Variants in GATA5 observed in about 807,000 individuals in gnomAD.
The protein encoded by GATA5 is GATA binding protein 5, also known as transcription factor GATA-5.
In GATA5, 27 loss-of-function variants were observed where a neutral mutation model predicts 35.0. That is an observed-to-expected ratio of 0.77 (90% confidence interval 0.57 to 1.06). The LOEUF is 1.06. Among genes scored for constraint, GATA5 ranks in the 50% least tolerant of loss-of-function variants. The pLI is 0.00. For missense variants in GATA5, 612 were observed against 580.0 expected, an observed-to-expected ratio of 1.06 and a Z score of -0.57; for synonymous variants, 306 against 267.8, an observed-to-expected ratio of 1.14 and a Z score of -1.39.
intron 2 of GATA5, among the ~76,000 whole-genome samples, chr20:62,474,248 C>G (rs1033000704): frequency 3.9e-5 from 6 of 152,156 alleles, no homozygotes; most frequent in Non-Finnish European, 8.8e-5. Context: ...AGGCCCGGCC[C>G]GGCGCCGGCG....
At chr20:62,473,131 G>A (rs1430039564) in intron 3 of GATA5, among the ~76,000 whole-genome samples, 1 of 152,234 alleles carries the variant, frequency 6.6e-6, no homozygotes, top group Non-Finnish European at 1.5e-5. Flanking sequence ...TTGCTCCAGA[G>A]CCTGGGCTCC....
chr20:62,467,857 C>G (rs1295649807), intron 3 of GATA5, among the ~76,000 whole-genome samples: 1 of 152,244 alleles, frequency 6.6e-6, no homozygotes, highest in Non-Finnish European at 1.5e-5. Flanking sequence ...CAGACACAGC[C>G]AGCCTCGGCT....
intron 4 of GATA5, 85 bp downstream of exon 4, chr20:62,466,341 C>A: frequency 1.4e-6 from 2 of 1,430,074 alleles, no homozygotes; most frequent in South Asian, 1.3e-5. Flanking sequence ...CGCTCCTCCC[C>A]AGCCTCTTGG....
rs1294824844 is a variant in GATA5 at position 62,473,542 on chromosome 20, C to T, written c.560G>A (p.Arg187His). 9 of 1,604,822 alleles carry T rather than the reference C, an allele frequency of 5.6e-6. No individual in the cohort carries two copies. Among genetic ancestry groups the T allele is most frequent in the Admixed American group, 1.7e-5 (1 of 58,728 alleles). ...CAGGGCCCCGCAGTTGACACACTCA[C>T]GACCCTCACCCGGGAACTCCTCCAA... The part of the protein sequence containing the change: ...DFLEEFPGEG[R>H]ECVNCGALST... Residue 187 changes from arginine to histidine, a missense_variant, in exon 3 of 7, where the codon CGT becomes CAT. Coordinates refer to ENST00000252997, the MANE Select transcript of GATA5 (RefSeq NM_080473.5).
rs566557710 is a variant in GATA5 at position 62,468,242 on chromosome 20, G to A, written c.700-1691C>T. On this transcript the variant is annotated intron_variant, in intron 3 of 6. Transcript: ENST00000252997. ...TTCCCCGTCTGTTACAGCCTGCCTC[G>A]GTTTCCCCGTCTGTTACTGCCATGG... Among the ~76,000 whole-genome samples the A allele has an allele frequency of 6.6e-5, 10 of 150,704 alleles. No homozygotes were observed. In the East Asian group the frequency reaches 9.9e-4, roughly 15 times the overall value.
Position 62,464,942 on chromosome 20 carries a change from T to C in GATA5, c.1088A>G (p.Lys363Arg), listed in dbSNP as rs140317494. ...GAAGGCAAAGTCCTCAGGCTCGAACTTGAACTCCAAGTGGCCGGGGGCAAG... is the reference window on the plus strand; with the variant it reads ...GAAGGCAAAGTCCTCAGGCTCGAACCTGAACTCCAAGTGGCCGGGGGCAAG... ...DSLAPGHLEFKFEPEDFAFPS... is the reference protein window; with the variant it reads ...DSLAPGHLEFRFEPEDFAFPS... The change falls in exon 7 of 7, where the codon AAG becomes AGG. Residue 363 changes from lysine to arginine, a missense_variant. By Grantham distance (26) the Lys-to-Arg change is conservative (BLOSUM62 2). Coordinates refer to ENST00000252997, the MANE Select transcript of GATA5 (RefSeq NM_080473.5). 78 of 1,611,166 alleles carry C rather than the reference T, an allele frequency of 4.8e-5. No homozygotes were observed. In the African/African-American group the frequency reaches 9.5e-4, roughly 20 times the overall value.
chr20:62,473,424 G>C lies in GATA5; in HGVS notation c.678C>G (p.Leu226=), dbSNP rs139428354. 3 of 1,608,908 alleles carry C rather than the reference G, an allele frequency of 1.9e-6. No homozygotes were observed. Among genetic ancestry groups the C allele is most frequent in the African/African-American group, 1.3e-5 (1 of 74,966 alleles). Residue 226 remains leucine, a synonymous_variant, in exon 3 of 7, where the codon CTC becomes CTG. Transcript: ENST00000252997. ...TCACCAGGCGCTTCTGAGGCCGAAC[G>C]AGCGGCCGGTTGACGCCATTCATCT... ...YHKMNGVNRP[L]VRPQKRLSSS...
intron 3 of GATA5, among the ~76,000 whole-genome samples, chr20:62,469,371 A>C (rs1020493610): frequency 5.3e-5 from 8 of 152,224 alleles, no homozygotes; most frequent in Non-Finnish European, 1.2e-4. Flanking sequence ...CCCCGCCTTC[A>C]GACTGAGGGG....
intron 3 of GATA5, among the ~76,000 whole-genome samples, chr20:62,468,615 G>A (rs1555896304): frequency 6.6e-6 from 1 of 152,244 alleles, no homozygotes; most frequent in Non-Finnish European, 1.5e-5. Context: ...CCATGACAAA[G>A]GGGCAGAAAG....
In GATA5 at chr20:62,475,228, G is replaced by T. The variant is rs1276202653; in HGVS notation, c.294C>A (p.Ser98Arg). The T allele has an allele frequency of 8.0e-7, 1 of 1,249,206 alleles. No individual in the cohort carries two copies. 77.4% of individuals were successfully genotyped at this position (1,249,206 alleles called of 1,614,324 possible). The stretch of plus-strand genomic sequence containing the variant: ...TGCCGCCGCTGCCGGGCCCCGAGGG[G>T]CTGTGCGCGAAAGGGAAGGCGGTGG... ...PGATAFPFAH[S>R]PSGPGSGGSA... Residue 98 changes from serine (S) to arginine (R), a missense_variant, in exon 2 of 7, where the codon AGC becomes AGA. By Grantham distance (110) the Ser-to-Arg change is moderately radical. Transcript: ENST00000252997.
Position 62,475,094 on chromosome 20 carries a change from G to A in GATA5, c.428C>T (p.Pro143Leu). Residue 143 changes from proline to leucine, a missense_variant, in exon 2 of 7, where the codon CCG becomes CTG. Pro to Leu is a moderately conservative substitution (Grantham distance 98, BLOSUM62 -3). Coordinates refer to ENST00000252997, the MANE Select transcript of GATA5 (RefSeq NM_080473.5). ...GGCCACGTCGGGGCTCACGTAGGCCGGGTAGGTGGCGGAGTACGAGGTCCC... is the reference window on the plus strand; with the variant it reads ...GGCCACGTCGGGGCTCACGTAGGCCAGGTAGGTGGCGGAGTACGAGGTCCC... Reference protein sequence around the residue: ...PVGTSYSATYPAYVSPDVAQS... With the variant: ...PVGTSYSATYLAYVSPDVAQS... 7.1e-7 allele frequency: 1 copy of A among 1,404,566 alleles called. No individual in the cohort carries two copies. The highest frequency in any genetic ancestry group is 1.5e-5 in the African/African-American group (1 of 66,556). The allele number at this position is 1,404,566 out of a possible 1,614,324, so 87.0% of individuals were successfully genotyped here. A position where few individuals can be genotyped will look rare whatever the true frequency, so the allele number is the denominator to read the frequency against.
At chr20:62,473,611 C>T (rs1989778186) in intron 2 of GATA5, 33 bp from the exon 3 acceptor site, 1 of 1,554,690 alleles carries the variant, frequency 6.4e-7, no homozygotes, top group South Asian at 1.2e-5. Context: ...GGCCCGGGCC[C>T]TCCCCTCCCC....
intron 5 of GATA5, 120 bp from the exon 6 acceptor site, chr20:62,465,584 C>T: frequency 1.5e-6 from 2 of 1,345,864 alleles, no homozygotes; most frequent in Non-Finnish European, 2.0e-6. Flanking sequence ...CTCACGGTCA[C>T]ACCGCAGGCG....
At position 62,470,496 on chromosome 20, in the gene GATA5, C is replaced by G. The variant is rs886745137; in HGVS notation, c.699+2907G>C. ...TACAGTGCCCATGCCCCTTGCTGGC[C>G]GAGGACAAACTGACTTGGGGACGTG... On this transcript the variant is annotated intron_variant, in intron 3 of 6. Coordinates refer to ENST00000252997, the MANE Select transcript of GATA5 (RefSeq NM_080473.5). This position sits in a 1 kb window ranked among gnomAD's most constrained non-coding sequence, Gnocchi z 4.6. Among the ~76,000 whole-genome samples, 1 of 152,118 alleles carries G rather than the reference C, an allele frequency of 6.6e-6. No homozygotes were observed. Among genetic ancestry groups the G allele is most frequent in the Non-Finnish European group, 1.5e-5 (1 of 68,024 alleles).
At chr20:62,465,519 T>G (rs1989562515) in intron 5 of GATA5, 55 bp from the exon 6 acceptor site, 3 of 1,564,966 alleles carry the variant, frequency 1.9e-6, no homozygotes, top group Non-Finnish European at 2.6e-6. Context: ...TCACTTCCCC[T>G]TCCTGCCATG....
At chr20:62,474,900 G>C (rs1229177252) in intron 2 of GATA5, 99 bp downstream of exon 2, 3 of 1,082,606 alleles carry the variant, frequency 2.8e-6, no homozygotes, top group Non-Finnish European at 2.4e-6. Context: ...GGGAGGCTCG[G>C]ACCGTGGGGG....
At chr20:62,471,623 G>A (rs1037494038) in intron 3 of GATA5, among the ~76,000 whole-genome samples, 30 of 150,922 alleles carry the variant, frequency 2.0e-4, no homozygotes, top group South Asian at 6.3e-4. Context: ...TAGAGACCTG[G>A]TCTCCCTATG....
At chr20:62,472,900 G>T (rs1989756993) in intron 3 of GATA5, among the ~76,000 whole-genome samples, 2 of 152,206 alleles carry the variant, frequency 1.3e-5, no homozygotes, top group South Asian at 2.1e-4. Flanking sequence ...TCCCCGAGGG[G>T]ACTACAGACC....
chr20:62,474,057 C>G (rs1340145541), intron 2 of GATA5, among the ~76,000 whole-genome samples: 1 of 149,122 alleles, frequency 6.7e-6, no homozygotes, highest in African/African-American at 2.5e-5. Flanking sequence ...TCCTCCTGTT[C>G]TGCAAAGCGG....
Sources: allele counts gnomAD v4.1 joint callset (sites outside exome capture counted in the v4.1 genomes callset), GRCh38; gene constraint gnomAD v4.1.1; non-coding constraint Gnocchi (gnomAD v3.1); transcripts MANE v1.5; gene names NCBI Gene and HGNC (gene_info 2026-07-23, HGNC 2026-07-21).